MYOCD: variants seen among roughly 807,000 people sequenced by gnomAD.
The protein encoded by MYOCD is myocardin.
A neutral mutation model predicts 96.1 loss-of-function variants in MYOCD; 32 were observed. The observed-to-expected ratio is 0.33, with a 90% CI of 0.25 to 0.45. The LOEUF (loss-of-function observed/expected upper bound fraction) is 0.45. MYOCD is among the 20% of genes least tolerant of loss of function. The pLI, the probability that MYOCD is intolerant of heterozygous loss-of-function variation, is 1.00. For missense variants in MYOCD, 1,133 were observed against 1,200.6 expected, an observed-to-expected ratio of 0.94 and a Z score of 0.83; for synonymous variants, 469 against 469.0, an observed-to-expected ratio of 1.00 and a Z score of 0.00.
At chr17:12,694,880 C>CAAAA (rs2030661978) in intron 1 of MYOCD, among the ~76,000 whole-genome samples, 1 of 46,876 alleles carries the variant, frequency 2.1e-5, no homozygotes, top group East Asian at 3.9e-4. Flanking sequence ...TAAGGAATAA[C>CAAAA]CAAAAAAAAA....
chr17:12,755,236 T>C (rs957749240), intron 10 of MYOCD, among the ~76,000 whole-genome samples: 5 of 152,206 alleles, frequency 3.3e-5, no homozygotes, highest in African/African-American at 1.2e-4. Context: ...ATTTCAGTAC[T>C]GATGATACTG....
intron 8 of MYOCD, 85 bp downstream of exon 8, chr17:12,744,521 C>A: frequency 6.7e-7 from 1 of 1,482,822 alleles, no homozygotes; most frequent in Non-Finnish European, 9.0e-7. Flanking sequence ...CACCATGGGG[C>A]CTAGCAAGTC....
intron 1 of MYOCD, among the ~76,000 whole-genome samples, chr17:12,676,162 A>G (rs1273909824): frequency 6.6e-6 from 1 of 152,090 alleles, no homozygotes; most frequent in Non-Finnish European, 1.5e-5. Context: ...TGGACACTAA[A>G]TAAAATTTGA....
At chr17:12,680,791 T>C (rs1397570373) in intron 1 of MYOCD, among the ~76,000 whole-genome samples, 1 of 152,192 alleles carries the variant, frequency 6.6e-6, no homozygotes, top group Admixed American at 6.5e-5. Context: ...CTGTTTGTGA[T>C]GGAAGGAAAA....
At chr17:12,757,629 T>C (rs2033050422) in intron 11 of MYOCD, among the ~76,000 whole-genome samples, 1 of 152,186 alleles carries the variant, frequency 6.6e-6, no homozygotes. Context: ...CCCAAGTAGC[T>C]GGGATTACAG....
At chr17:12,726,822 C>A (rs897196978) in intron 5 of MYOCD, among the ~76,000 whole-genome samples, 1 of 152,244 alleles carries the variant, frequency 6.6e-6, no homozygotes, top group East Asian at 1.9e-4. Flanking sequence ...ACATTGCTTA[C>A]TAAAATCGTA....
chr17:12,746,824 C>T (rs2032678873), intron 9 of MYOCD, among the ~76,000 whole-genome samples: 1 of 150,218 alleles, frequency 6.7e-6, no homozygotes, highest in African/African-American at 2.5e-5. Context: ...TGCTTCCCGG[C>T]TTCAAGCGAT....
chr17:12,703,054 A>G (rs1349918535), intron 1 of MYOCD, among the ~76,000 whole-genome samples: 3 of 151,894 alleles, frequency 2.0e-5, no homozygotes, highest in Non-Finnish European at 4.4e-5. Context: ...GTAAGAAATT[A>G]TATTATTTTT....
chr17:12,697,355 ATATATTTT>A (rs1438463318), intron 1 of MYOCD, among the ~76,000 whole-genome samples: 1,043 of 85,686 alleles, frequency 0.012, 4 homozygotes, highest in Middle Eastern at 0.021. Context: ...ATATATATAT[ATATATTTT>A]TTTTTTTTTT....
chr17:12,758,540 C>T (rs1042746577), intron 12 of MYOCD, among the ~76,000 whole-genome samples: 8 of 152,146 alleles, frequency 5.3e-5, no homozygotes, highest in Non-Finnish European at 8.8e-5. Flanking sequence ...TAGATAGCCT[C>T]GCACTTACCA....
At chr17:12,685,261 C>G (rs1208542764) in intron 1 of MYOCD, among the ~76,000 whole-genome samples, 1 of 152,144 alleles carries the variant, frequency 6.6e-6, no homozygotes, top group Non-Finnish European at 1.5e-5. Context: ...GATCACACTA[C>G]TGCACTCCAG....
chr17:12,713,651 A>G (rs1036362991), intron 2 of MYOCD, among the ~76,000 whole-genome samples: 9 of 118,172 alleles, frequency 7.6e-5, no homozygotes, highest in Non-Finnish European at 1.5e-4. Flanking sequence ...GTGTAGATCC[A>G]CAATGGCCCG....
chr17:12,736,413 C>T, intron 6 of MYOCD, 77 bp downstream of exon 6: 6 of 1,429,762 alleles, frequency 4.2e-6, no homozygotes, highest in Non-Finnish European at 4.8e-6. Flanking sequence ...AACATCAACA[C>T]TGTTAACAGC....
At chr17:12,749,932 C>G (rs1308091415) in intron 9 of MYOCD, among the ~76,000 whole-genome samples, 1 of 152,004 alleles carries the variant, frequency 6.6e-6, no homozygotes, top group African/African-American at 2.4e-5. Context: ...TCACTGCAAG[C>G]TCCGCCTTCC....
intron 5 of MYOCD, among the ~76,000 whole-genome samples, chr17:12,725,487 T>G (rs1212256443): frequency 1.3e-5 from 2 of 148,490 alleles, no homozygotes; most frequent in African/African-American, 2.4e-5. Flanking sequence ...ATACAAAATA[T>G]CTATATCATA....
At chr17:12,702,838 A>G (rs1465613808) in intron 1 of MYOCD, among the ~76,000 whole-genome samples, 2 of 151,978 alleles carry the variant, frequency 1.3e-5, no homozygotes, top group African/African-American at 2.4e-5. Flanking sequence ...TGTAATCTGT[A>G]TTACATCTAT....
chr17:12,740,834 G>A lies in MYOCD; in HGVS notation c.717+1506G>A, dbSNP rs570552749. Among the ~76,000 whole-genome samples, 5 of 152,202 alleles carry A rather than the reference G, an allele frequency of 3.3e-5. No individual in the cohort carries two copies. In the South Asian group the frequency reaches 1.0e-3, roughly 32 times the overall value. ...GCTCGTCGCAACCTCCGCCTCCCAG[G>A]TTCAAGTGATTCTCCTGCCTCAGCC... is the stretch of plus-strand genomic sequence containing the variant. On this transcript the variant is annotated intron_variant, in intron 7 of 13. Coordinates refer to ENST00000425538, the MANE Select transcript of MYOCD (RefSeq NM_001146312.3).
In MYOCD at chr17:12,736,306, C is replaced by T. The variant is rs2032342299; in HGVS notation, c.561C>T (p.Thr187=). The change falls in exon 6 of 14, where the codon ACC becomes ACT. Residue 187 remains threonine, a synonymous_variant. Coordinates refer to ENST00000425538, the MANE Select transcript of MYOCD (RefSeq NM_001146312.3). ...CGCCAGACGCTAAAGCCTCAGATACCCCTTCGACAGGTTCTCTGGGGACAA... is the reference window on the plus strand; with the variant it reads ...CGCCAGACGCTAAAGCCTCAGATACTCCTTCGACAGGTTCTCTGGGGACAA... The part of the protein sequence containing the change: ...GSPPDAKASD[T]PSTGSLGTNQ... The T allele has an allele frequency of 2.5e-6, 4 of 1,613,932 alleles. No homozygotes were observed. Among genetic ancestry groups the T allele is most frequent in the Non-Finnish European group, 3.4e-6 (4 of 1,180,004 alleles).
chr17:12,672,469 C>T (rs890114282), intron 1 of MYOCD, among the ~76,000 whole-genome samples: 5 of 152,186 alleles, frequency 3.3e-5, no homozygotes, highest in East Asian at 1.9e-4. Flanking sequence ...CTTTACGTAA[C>T]GAGATTTGGA....
Sources: gnomAD v4.1 joint callset for allele counts (sites outside exome capture counted in the v4.1 genomes callset) on GRCh38, gnomAD v4.1.1 for gene constraint, MANE v1.5 for transcripts, NCBI Gene and HGNC (gene_info 2026-07-23, HGNC 2026-07-21) for gene names.